PPFIA2: variants seen among roughly 807,000 people sequenced by gnomAD.
PPFIA2 encodes PPFI scaffold protein A2.
A neutral mutation model predicts 175.5 loss-of-function variants in PPFIA2; 46 were observed. The observed-to-expected ratio is 0.26, with a 90% CI of 0.21 to 0.34. The LOEUF (loss-of-function observed/expected upper bound fraction) is 0.34. Among genes scored for constraint, PPFIA2 ranks in the 10% least tolerant of loss-of-function variants. The pLI is 1.00. For synonymous variants in PPFIA2, 568 were observed against 511.4 expected, an observed-to-expected ratio of 1.11 and a Z score of -1.49; for missense variants, 1,179 against 1,506.1, an observed-to-expected ratio of 0.78 and a Z score of 3.60.
At chr12:81,537,233 G>C (rs928563652) in intron 4 of PPFIA2, among the ~76,000 whole-genome samples, 30 of 151,690 alleles carry the variant, frequency 2.0e-4, no homozygotes, top group Admixed American at 1.5e-3. Flanking sequence ...AATTCTGCTG[G>C]GACAATTATG....
At chr12:81,515,508 C>T (rs2062318198) in intron 4 of PPFIA2, among the ~76,000 whole-genome samples, 1 of 152,134 alleles carries the variant, frequency 6.6e-6, no homozygotes, top group East Asian at 1.9e-4. Context: ...TCATCAATTT[C>T]TCTTTCTGAC....
chr12:81,601,936 T>C (rs973294368), intron 4 of PPFIA2, among the ~76,000 whole-genome samples: 3 of 151,920 alleles, frequency 2.0e-5, no homozygotes, highest in South Asian at 4.1e-4. Context: ...TCAAGAGCTC[T>C]TAAAAATTGA....
At chr12:81,516,819 T>A (rs183973489) in intron 4 of PPFIA2, among the ~76,000 whole-genome samples, 8 of 152,280 alleles carry the variant, frequency 5.3e-5, no homozygotes, top group Non-Finnish European at 1.0e-4. Context: ...AATAAAATTG[T>A]TTTATTATGT....
At chr12:81,632,906 G>A (rs1323776694) in intron 4 of PPFIA2, among the ~76,000 whole-genome samples, 3 of 151,932 alleles carry the variant, frequency 2.0e-5, no homozygotes, top group African/African-American at 4.8e-5. Flanking sequence ...TAGGGCTCTA[G>A]TGTAGTTCTC....
intron 4 of PPFIA2, among the ~76,000 whole-genome samples, chr12:81,552,365 A>AT (rs139313256): frequency 0.1 from 15,291 of 149,606 alleles, 881 homozygotes; most frequent in South Asian, 0.16. Context: ...TAATATACAC[A>AT]TTTTTTTTTT....
chr12:81,711,928 G>T (rs2077988380), intron 3 of PPFIA2, among the ~76,000 whole-genome samples: 1 of 148,168 alleles, frequency 6.7e-6, no homozygotes, highest in African/African-American at 2.5e-5. Context: ...TTATACTTCT[G>T]ATACAATGAA....
At chr12:81,558,596 A>T (rs2069307873) in intron 4 of PPFIA2, among the ~76,000 whole-genome samples, 1 of 152,180 alleles carries the variant, frequency 6.6e-6, no homozygotes, top group African/African-American at 2.4e-5. Context: ...GCTGTAGAAC[A>T]ATGCACATCA....
intron 8 of PPFIA2, among the ~76,000 whole-genome samples, chr12:81,400,379 A>G (rs2041915653): frequency 6.6e-6 from 1 of 152,162 alleles, no homozygotes; most frequent in South Asian, 2.1e-4. Flanking sequence ...TGATAAAGGC[A>G]CATCCCGTAT....
chr12:81,581,864 A>G (rs751798567), intron 4 of PPFIA2, among the ~76,000 whole-genome samples: 2 of 151,890 alleles, frequency 1.3e-5, no homozygotes, highest in Non-Finnish European at 2.9e-5. Flanking sequence ...TGCAAGCCTC[A>G]ACTGAATGGT....
At chr12:81,652,913 T>C (rs2067230814) in intron 4 of PPFIA2, among the ~76,000 whole-genome samples, 1 of 152,116 alleles carries the variant, frequency 6.6e-6, no homozygotes, top group South Asian at 2.1e-4. Flanking sequence ...TTGGTAAATG[T>C]CATGAGCATC....
chr12:81,578,252 A>ATAAT (rs1411568857), intron 4 of PPFIA2, among the ~76,000 whole-genome samples: 1 of 151,718 alleles, frequency 6.6e-6, no homozygotes, highest in African/African-American at 2.4e-5. Context: ...ATATTCACAC[A>ATAAT]AGGTGACCTC....
intron 4 of PPFIA2, among the ~76,000 whole-genome samples, chr12:81,486,265 T>C (rs1467849279): frequency 6.6e-6 from 1 of 151,852 alleles, no homozygotes; most frequent in Non-Finnish European, 1.5e-5. Context: ...CTCAGTGCCT[T>C]ACATGCCTTA....
chr12:81,621,640 A>C (rs1260412380), intron 4 of PPFIA2, among the ~76,000 whole-genome samples: 1 of 152,192 alleles, frequency 6.6e-6, no homozygotes, highest in Admixed American at 6.5e-5. Context: ...CTGGACTCCA[A>C]AAATATTTTG....
At chr12:81,426,811 T>A (rs943706783) in intron 7 of PPFIA2, among the ~76,000 whole-genome samples, 1 of 152,104 alleles carries the variant, frequency 6.6e-6, no homozygotes, top group African/African-American at 2.4e-5. Flanking sequence ...TTCATCTTGT[T>A]TAATATGACC....
At chr12:81,499,001 A>C (rs1348410259) in intron 4 of PPFIA2, among the ~76,000 whole-genome samples, 2 of 152,248 alleles carry the variant, frequency 1.3e-5, no homozygotes, top group Non-Finnish European at 2.9e-5. Flanking sequence ...CAATAGAAAA[A>C]AAATCAATAT....
chr12:81,751,641 G>C (rs912015413), intron 3 of PPFIA2, among the ~76,000 whole-genome samples: 2 of 151,906 alleles, frequency 1.3e-5, no homozygotes, highest in East Asian at 1.9e-4. Context: ...GAAAACTTCT[G>C]AGCTCCAAAA....
intron 7 of PPFIA2, among the ~76,000 whole-genome samples, chr12:81,417,881 G>A (rs2045585624): frequency 1.3e-5 from 2 of 151,694 alleles, no homozygotes; most frequent in South Asian, 2.1e-4. Flanking sequence ...CAGTCTCACT[G>A]TAGACAGGAC....
chr12:81,702,412 A>G (rs2076607550), intron 3 of PPFIA2, among the ~76,000 whole-genome samples: 1 of 152,182 alleles, frequency 6.6e-6, no homozygotes, highest in South Asian at 2.1e-4. Flanking sequence ...ACCTAGCTTT[A>G]AATCCCATCA....
intron 4 of PPFIA2, among the ~76,000 whole-genome samples, chr12:81,600,311 T>C (rs2059659132): frequency 6.6e-6 from 1 of 151,986 alleles, no homozygotes; most frequent in Non-Finnish European, 1.5e-5. Context: ...TAATATGTTT[T>C]TCATATTGTC....
Sources: gnomAD v4.1 joint callset for allele counts (sites outside exome capture counted in the v4.1 genomes callset) on GRCh38, gnomAD v4.1.1 for gene constraint, MANE v1.5 for transcripts, NCBI Gene and HGNC (gene_info 2026-07-23, HGNC 2026-07-21) for gene names.